Variants in HEATR5B observed in about 807,000 individuals in gnomAD.
HEATR5B encodes the protein HEAT repeat-containing protein 5B.
Under a neutral mutation model 224.1 loss-of-function variants are expected in HEATR5B, and 156 were observed. The ratio of observed to expected loss-of-function variants is 0.70; its 90% CI spans 0.61 to 0.80. The LOEUF is 0.80. Among genes scored for constraint, HEATR5B ranks in the 30% least tolerant of loss-of-function variants. HEATR5B has a pLI of 0.00. For missense variants in HEATR5B, 2,323 were observed against 2,535.5 expected (o/e 0.92, Z 1.80); for synonymous variants, 1,027 against 893.0 (o/e 1.15, Z -2.68).
chr2:37,000,776 A>C lies in HEATR5B; in HGVS notation c.5355T>G (p.Ile1785Met). Reference sequence around the variant, plus strand: ...TTGCTGTGTCTTTCAATATTCTTGCAATTAAGAACAGAATTGTGGGCAGGA... The same window carrying C: ...TTGCTGTGTCTTTCAATATTCTTGCCATTAAGAACAGAATTGTGGGCAGGA... The part of the protein sequence containing the change: ...MTILPTILFL[I>M]ARILKDTAIK... The change falls in exon 33 of 36, where the codon ATT (isoleucine) becomes ATG (methionine). Residue 1785 changes from isoleucine (I) to methionine (M), a missense_variant. By Grantham distance (10) the Ile-to-Met change is conservative (BLOSUM62 1). Transcript: ENST00000233099. The C allele has an allele frequency of 6.2e-7, 1 of 1,614,116 alleles. No individual in the cohort carries two copies. The highest frequency in any genetic ancestry group is 8.5e-7 in the Non-Finnish European group (1 of 1,179,946).
At position 36,981,346 on chromosome 2, in the gene HEATR5B, C is replaced by A; in HGVS notation, c.*144G>T. 1.9e-6 allele frequency: 1 copy of A among 516,646 alleles called. No individual in the cohort carries two copies. The highest frequency in any genetic ancestry group is 3.3e-6 in the Non-Finnish European group (1 of 303,088). 32.0% of individuals were successfully genotyped at this position (516,646 alleles called of 1,614,324 possible). A position where few individuals can be genotyped will look rare whatever the true frequency, so the allele number is the denominator to read the frequency against. ...CTTAAAAATCAATAAGTGGTGTGAG[C>A]ATTATTTCACTTAACCTACTTGGAA... On this transcript the variant is annotated 3_prime_UTR_variant, in exon 36 of 36. Coordinates refer to ENST00000233099, the MANE Select transcript of HEATR5B (RefSeq NM_019024.3).
chr2:37,022,587 T>G (rs1032232834), intron 24 of HEATR5B, among the ~76,000 whole-genome samples: 8 of 152,176 alleles, frequency 5.3e-5, no homozygotes, highest in African/African-American at 1.9e-4. Flanking sequence ...AAAACTTTAT[T>G]TACAAAAAAG....
chr2:37,082,086 T>TTTTA (rs371663046), intron 2 of HEATR5B, among the ~76,000 whole-genome samples: 1 of 55,978 alleles, frequency 1.8e-5, no homozygotes, highest in Non-Finnish European at 3.4e-5. Flanking sequence ...TTTTTTTTTT[T>TTTTA]CAGATGGAGT....
intron 12 of HEATR5B, 131 bp from the exon 13 acceptor site, chr2:37,059,118 C>G: frequency 2.1e-6 from 1 of 465,872 alleles, no homozygotes; most frequent in Non-Finnish European, 3.7e-6. Flanking sequence ...GAAACCATGT[C>G]GAACCAAAAG....
chr2:37,009,180 C>A (rs1381134877), intron 27 of HEATR5B, among the ~76,000 whole-genome samples: 1 of 146,642 alleles, frequency 6.8e-6, no homozygotes, highest in African/African-American at 2.5e-5. Context: ...ATCGCTTGAA[C>A]CAGGGAGGCG....
chr2:37,077,927 A>T (rs577476395), intron 3 of HEATR5B, among the ~76,000 whole-genome samples: 1 of 152,356 alleles, frequency 6.6e-6, no homozygotes, highest in Non-Finnish European at 1.5e-5. Context: ...GAATAAAGTA[A>T]TAATAGCAAC....
chr2:37,006,829 G>C (rs1025085905), intron 29 of HEATR5B, among the ~76,000 whole-genome samples: 4 of 152,156 alleles, frequency 2.6e-5, no homozygotes, highest in East Asian at 1.9e-4. Flanking sequence ...CGATATTGCT[G>C]TGTGAATGAG....
chr2:37,008,581 T>C (rs758986666), intron 28 of HEATR5B, 30 bp downstream of exon 28: 3 of 1,497,738 alleles, frequency 2.0e-6, no homozygotes, highest in East Asian at 2.3e-5. Context: ...TTGAACTCCA[T>C]AAAAGTAAAA....
chr2:37,075,841 G>C, intron 4 of HEATR5B: 1 of 364,430 alleles, frequency 2.7e-6, no homozygotes, highest in Non-Finnish European at 4.9e-6. Context: ...TAAAAAATTA[G>C]GTTTTAAGTA....
intron 27 of HEATR5B, among the ~76,000 whole-genome samples, chr2:37,013,562 G>A (rs778557487): frequency 6.6e-6 from 1 of 152,110 alleles, no homozygotes; most frequent in Non-Finnish European, 1.5e-5. Flanking sequence ...TATCAAGGTG[G>A]CAAGTCACCT....
chr2:37,043,059 C>G (rs916851188), intron 18 of HEATR5B, among the ~76,000 whole-genome samples: 16 of 152,170 alleles, frequency 1.1e-4, no homozygotes, highest in African/African-American at 3.9e-4. Flanking sequence ...CATATCTCAA[C>G]TGGTTCAGCT....
chr2:37,080,141 T>C (rs1384139756), intron 2 of HEATR5B, among the ~76,000 whole-genome samples: 1 of 152,130 alleles, frequency 6.6e-6, no homozygotes, highest in East Asian at 1.9e-4. Flanking sequence ...GAAGGCCAGT[T>C]TGGCTGCAGT....
chr2:36,984,545 T>A (rs1665821250), intron 35 of HEATR5B, among the ~76,000 whole-genome samples: 1 of 151,746 alleles, frequency 6.6e-6, no homozygotes, highest in Non-Finnish European at 1.5e-5. Flanking sequence ...AGGCAATATT[T>A]CTCAAAGAAA....
rs1665571442 is a variant in HEATR5B at position 36,981,389 on chromosome 2, T to C, written c.*101A>G. 3.5e-6 allele frequency: 3 copies of C among 854,386 alleles called. No homozygotes were observed. The highest frequency in any genetic ancestry group is 1.9e-5 in the South Asian group (1 of 52,978). 52.9% of individuals were successfully genotyped at this position (854,386 alleles called of 1,614,324 possible). On this transcript the variant is annotated 3_prime_UTR_variant, in exon 36 of 36. Coordinates refer to ENST00000233099, the MANE Select transcript of HEATR5B (RefSeq NM_019024.3). The stretch of plus-strand genomic sequence containing the variant: ...ACTTGGAAGCACTATAATACCAATA[T>C]ACAAATAAAACAGAACCCATAGGTA...
intron 24 of HEATR5B, among the ~76,000 whole-genome samples, chr2:37,023,966 T>A (rs527520088): frequency 1.3e-5 from 2 of 152,284 alleles, no homozygotes; most frequent in East Asian, 3.9e-4. Flanking sequence ...TGCACTCTCA[T>A]GTTTACTGCA....
chr2:37,032,797 C>A, intron 21 of HEATR5B, 24 bp from the exon 22 acceptor site: 1 of 1,600,960 alleles, frequency 6.2e-7, no homozygotes, highest in Non-Finnish European at 8.5e-7. Flanking sequence ...CAATGTTAGG[C>A]GATTTCTCTT....
intron 18 of HEATR5B, among the ~76,000 whole-genome samples, chr2:37,043,810 C>T (rs887660340): frequency 1.1e-4 from 16 of 152,110 alleles, no homozygotes; most frequent in African/African-American, 3.4e-4. Context: ...ATCTTTTCAT[C>T]CTATTATTTC....
At chr2:37,069,866 T>A (rs997865811) in intron 7 of HEATR5B, among the ~76,000 whole-genome samples, 1 of 151,866 alleles carries the variant, frequency 6.6e-6, no homozygotes, top group Non-Finnish European at 1.5e-5. Context: ...AGTAACAGTT[T>A]TCCACGAAGT....
At chr2:37,020,150 C>A (rs1369611275) in intron 25 of HEATR5B, among the ~76,000 whole-genome samples, 1 of 152,188 alleles carries the variant, frequency 6.6e-6, no homozygotes, top group Non-Finnish European at 1.5e-5. Flanking sequence ...AATGATCCAC[C>A]CACCTCGGCC....
Sources: gnomAD v4.1 joint callset for allele counts (sites outside exome capture counted in the v4.1 genomes callset) on GRCh38, gnomAD v4.1.1 for gene constraint, MANE v1.5 for transcripts, NCBI Gene and HGNC (gene_info 2026-07-23, HGNC 2026-07-21) for gene names.